The following BACH2 variants were observed in gnomAD, a reference collection of about 807,000 sequenced individuals.
BACH2 encodes the protein BACH transcriptional regulator 2.
A neutral mutation model predicts 61.8 loss-of-function variants in BACH2; 5 were observed. The ratio of observed to expected loss-of-function variants is 0.08; its 90% CI spans 0.04 to 0.17. The LOEUF (loss-of-function observed/expected upper bound fraction) is 0.17. BACH2 is among the 10% of genes least tolerant of loss of function. The pLI, the probability that BACH2 is intolerant of heterozygous loss-of-function variation, is 1.00. For synonymous variants in BACH2, 446 were observed against 440.1 expected (o/e 1.01, Z -0.17); for missense variants, 824 against 1,091.1 (o/e 0.76, Z 3.45).
rs537660027 is a variant in BACH2, at chr6:89,930,241, T to TC, written c.*2166_*2167insG. 2.8e-4 allele frequency: 41 copies of TC among 146,358 alleles called. No individual in the cohort carries two copies. In the South Asian group the frequency reaches 8.7e-3, roughly 31 times the overall value. The allele number at this position is 146,358 out of a possible 1,614,324, so 9.1% of individuals were successfully genotyped here. ...AAAAAGAAAAGCCTTTTTTTTTTTT[T>TC]TTTTTTTTTTTTTATCCTACTGCAT... On this transcript the variant is annotated 3_prime_UTR_variant, in exon 9 of 9. Transcript: ENST00000257749.
chr6:90,189,087 T>A (rs1369878303), intron 4 of BACH2, among the ~76,000 whole-genome samples: 2 of 152,294 alleles, frequency 1.3e-5, no homozygotes, highest in Non-Finnish European at 2.9e-5. Flanking sequence ...TATAGAAATT[T>A]ATATTGTATA....
At chr6:90,109,917 TAAAAC>T (rs1259857054) in intron 4 of BACH2, among the ~76,000 whole-genome samples, 1 of 152,136 alleles carries the variant, frequency 6.6e-6, no homozygotes. Flanking sequence ...TATTAGAAAT[TAAAAC>T]AAAACTTTAA....
rs149929450 is a variant in BACH2 at position 90,262,378 on chromosome 6, G to A, written c.-353+9471C>T. Among the ~76,000 whole-genome samples the A allele has an allele frequency of 3.3e-3, 498 of 152,232 alleles. 5 individuals carry two copies. Among genetic ancestry groups the A allele is most frequent in the Middle Eastern group, 3.4e-3 (1 of 294 alleles). ...TTTACAGACCAATTCACCTATCTGT[G>A]GAGCCCCTTCCCATCCCCACGCCCC... is the stretch of plus-strand genomic sequence containing the variant. On this transcript the variant is annotated intron_variant, in intron 2 of 8. Coordinates refer to ENST00000257749, the MANE Select transcript of BACH2 (RefSeq NM_021813.4).
chr6:90,110,519 C>T (rs751634778), intron 4 of BACH2, among the ~76,000 whole-genome samples: 1 of 152,194 alleles, frequency 6.6e-6, no homozygotes, highest in Non-Finnish European at 1.5e-5. Flanking sequence ...TTAATATCAC[C>T]ATCAATCTCG....
intron 4 of BACH2, among the ~76,000 whole-genome samples, chr6:90,103,787 C>T (rs1433403760): frequency 6.6e-6 from 1 of 152,138 alleles, no homozygotes; most frequent in African/African-American, 2.4e-5. Context: ...AAGTCTGAAT[C>T]CTATTTCTTG....
chr6:90,221,897 G>C (rs1769746594), intron 3 of BACH2, among the ~76,000 whole-genome samples: 1 of 152,110 alleles, frequency 6.6e-6, no homozygotes, highest in South Asian at 2.1e-4. Context: ...ACTGAGTCCA[G>C]GTTATAAGAA....
At chr6:90,012,436 C>G (rs1386315063) in intron 5 of BACH2, among the ~76,000 whole-genome samples, 1 of 151,736 alleles carries the variant, frequency 6.6e-6, no homozygotes, top group Admixed American at 6.6e-5. Flanking sequence ...GTGAGACCAG[C>G]CTGGCCAACA....
At chr6:90,112,784 C>T (rs899673429) in intron 4 of BACH2, among the ~76,000 whole-genome samples, 1 of 152,102 alleles carries the variant, frequency 6.6e-6, no homozygotes, top group Non-Finnish European at 1.5e-5. Flanking sequence ...GAGCTAAATG[C>T]CCCACTTAAA....
intron 4 of BACH2, among the ~76,000 whole-genome samples, chr6:90,093,323 G>A (rs1350277337): frequency 2.6e-5 from 4 of 152,106 alleles, no homozygotes; most frequent in Non-Finnish European, 5.9e-5. Flanking sequence ...ATGTGTAAGA[G>A]GGCTCTTTTT....
intron 3 of BACH2, among the ~76,000 whole-genome samples, chr6:90,221,828 G>T (rs1769744167): frequency 6.6e-6 from 1 of 152,112 alleles, no homozygotes; most frequent in African/African-American, 2.4e-5. Flanking sequence ...GGTGAGTCTG[G>T]GGGTTATGAG....
chr6:90,276,563 T>C (rs1771698027), intron 1 of BACH2, among the ~76,000 whole-genome samples: 1 of 152,260 alleles, frequency 6.6e-6, no homozygotes, highest in African/African-American at 2.4e-5. Flanking sequence ...ATGGTATTTA[T>C]AATTGCCTTC....
At chr6:90,266,462 T>C (rs1333567619) in intron 2 of BACH2, among the ~76,000 whole-genome samples, 1 of 152,132 alleles carries the variant, frequency 6.6e-6, no homozygotes, top group Non-Finnish European at 1.5e-5. Context: ...TAGGTGCACA[T>C]GGGCAATTGT....
At chr6:90,164,698 CA>C (rs1767544440) in intron 4 of BACH2, among the ~76,000 whole-genome samples, 2 of 152,052 alleles carry the variant, frequency 1.3e-5, no homozygotes, top group African/African-American at 4.8e-5. Context: ...AGCAGCACAT[CA>C]AAAAGCTTAT....
At chr6:90,201,416 C>A (rs1011221649) in intron 4 of BACH2, among the ~76,000 whole-genome samples, 4 of 152,076 alleles carry the variant, frequency 2.6e-5, no homozygotes, top group Non-Finnish European at 5.9e-5. Context: ...ATTTGCATTT[C>A]TTTGATTGCT....
At chr6:90,045,228 T>C (rs948907528) in intron 5 of BACH2, among the ~76,000 whole-genome samples, 1 of 152,206 alleles carries the variant, frequency 6.6e-6, no homozygotes, top group Non-Finnish European at 1.5e-5. Context: ...AAAGCCTGCA[T>C]CCTAAATTAT....
At chr6:89,955,407 C>A (rs1774370105) in intron 6 of BACH2, among the ~76,000 whole-genome samples, 1 of 152,172 alleles carries the variant, frequency 6.6e-6, no homozygotes. Flanking sequence ...ACTGAGAAAT[C>A]CAGACAAGTT....
At chr6:90,009,824 C>T (rs1428744065) in intron 5 of BACH2, among the ~76,000 whole-genome samples, 2 of 152,166 alleles carry the variant, frequency 1.3e-5, no homozygotes, top group Non-Finnish European at 2.9e-5. Flanking sequence ...GCCACCGTGC[C>T]TAACTAATTT....
Position 90,033,351 on chromosome 6 carries a change from T to TAA in BACH2, c.-12-24497_-12-24496dup, listed in dbSNP as rs57759686. On this transcript the variant is annotated intron_variant, in intron 5 of 8. Transcript: ENST00000257749. ...GTGCACATGTACCCTGAAACTTAAA[T>TAA]AAAAAAAAAAAAAAAAAAAGAAAAT... Among the ~76,000 whole-genome samples the TAA allele has an allele frequency of 1.9e-3, 155 of 83,378 alleles. 1 individual carries two copies. Among genetic ancestry groups the TAA allele is most frequent in the African/African-American group, 5.2e-3 (133 of 25,512 alleles). 54.7% of individuals were successfully genotyped at this position (83,378 alleles called of 152,430 possible).
chr6:90,033,868 T>C (rs1779133859), intron 5 of BACH2, among the ~76,000 whole-genome samples: 1 of 152,146 alleles, frequency 6.6e-6, no homozygotes, highest in Non-Finnish European at 1.5e-5. Context: ...ATTCAGAGCT[T>C]TTACTGGTTA....
Sources: allele counts gnomAD v4.1 joint callset (sites outside exome capture counted in the v4.1 genomes callset), GRCh38; gene constraint gnomAD v4.1.1; transcripts MANE v1.5; gene names NCBI Gene and HGNC (gene_info 2026-07-23, HGNC 2026-07-21).